Variants in BEND6 observed in about 807,000 individuals in gnomAD.
BEND6 encodes BEN domain containing 6.
BEND6 carries 24 observed loss-of-function variants against 31.8 expected under a neutral mutation model. The observed-to-expected ratio is 0.75, with a 90% confidence interval of 0.55 to 1.06. The LOEUF is 1.06. Among genes scored for constraint, BEND6 ranks in the 50% least tolerant of loss-of-function variants. The pLI, the probability that BEND6 is intolerant of heterozygous loss-of-function variation, is 0.00. For missense variants in BEND6, 294 were observed against 327.4 expected, an observed-to-expected ratio of 0.90 and a Z score of 0.79; for synonymous variants, 109 against 114.6, an observed-to-expected ratio of 0.95 and a Z score of 0.31.
chr6:57,021,723 A>C (rs1827748944), intron 6 of BEND6, among the ~76,000 whole-genome samples: 1 of 152,156 alleles, frequency 6.6e-6, no homozygotes, highest in Admixed American at 6.5e-5. Flanking sequence ...TAAGTGACCA[A>C]ACTGCCTTCT....
intron 1 of BEND6, chr6:56,975,951 C>T (rs1825857316): frequency 3.8e-6 from 2 of 528,698 alleles, no homozygotes; most frequent in Non-Finnish European, 7.7e-6. Context: ...AGCACCAGAG[C>T]ATACACAGTC....
intron 1 of BEND6, among the ~76,000 whole-genome samples, chr6:56,967,807 A>G (rs527965832): frequency 2.6e-5 from 4 of 152,320 alleles, no homozygotes; most frequent in African/African-American, 9.6e-5. Flanking sequence ...TGACTTGATG[A>G]TTAGCTGCTA....
intron 2 of BEND6, among the ~76,000 whole-genome samples, chr6:56,991,101 A>G (rs1054620325): frequency 1.3e-5 from 2 of 152,250 alleles, no homozygotes; most frequent in African/African-American, 4.8e-5. Context: ...CAATAAATTG[A>G]TAATTGAAAA....
Position 57,026,288 on chromosome 6 carries a change from T to G in BEND6, c.*216T>G, listed in dbSNP as rs1392437216. The G allele has an allele frequency of 2.6e-5, 4 of 152,218 alleles. No homozygotes were observed. Among genetic ancestry groups the G allele is most frequent in the Non-Finnish European group, 5.9e-5 (4 of 68,042 alleles). The allele number at this position is 152,218 out of a possible 1,614,324, so 9.4% of individuals were successfully genotyped here. The stretch of plus-strand genomic sequence containing the variant: ...TAGATTCCACCCTCAGTACTAGTGA[T>G]GCATCAAACCAGAGAATTTCTGCCA... On this transcript the variant is annotated 3_prime_UTR_variant, in exon 7 of 7. Coordinates refer to ENST00000370746, the MANE Select transcript of BEND6 (RefSeq NM_152731.3).
At chr6:56,976,188 G>C (rs1394727041) in intron 1 of BEND6, 1 of 178,874 alleles carries the variant, frequency 5.6e-6, no homozygotes, top group African/African-American at 2.4e-5. Flanking sequence ...GATAAAATTA[G>C]TGTTAGTGCT....
chr6:56,998,892 T>C (rs540622346), intron 3 of BEND6, among the ~76,000 whole-genome samples: 2 of 152,314 alleles, frequency 1.3e-5, no homozygotes, highest in African/African-American at 2.4e-5. Context: ...ACTCTGCATC[T>C]GACATGGGGT....
intron 3 of BEND6, chr6:57,004,527 C>T: frequency 1.3e-6 from 1 of 747,712 alleles, no homozygotes; most frequent in East Asian, 2.6e-5. Flanking sequence ...GCCACCGCCA[C>T]CGCCATGACT....
intron 3 of BEND6, among the ~76,000 whole-genome samples, chr6:57,012,162 A>T (rs760814377): frequency 9.2e-5 from 14 of 152,190 alleles, no homozygotes; most frequent in Non-Finnish European, 1.9e-4. Context: ...CAGAGCATGA[A>T]TATATTGGAT....
At chr6:56,996,470 C>CA (rs201812493) in intron 3 of BEND6, among the ~76,000 whole-genome samples, 1,609 of 150,162 alleles carry the variant, frequency 0.011, 28 homozygotes, top group African/African-American at 0.036. Flanking sequence ...AAAACAAAAA[C>CA]AAAAAAAAAC....
At chr6:57,021,816 A>C (rs1033639384) in intron 6 of BEND6, among the ~76,000 whole-genome samples, 1 of 152,166 alleles carries the variant, frequency 6.6e-6, no homozygotes, top group Non-Finnish European at 1.5e-5. Context: ...TAGGTGATCT[A>C]ATACAGTGGT....
chr6:56,975,321 T>C (rs1388575905), intron 1 of BEND6, among the ~76,000 whole-genome samples: 2 of 152,238 alleles, frequency 1.3e-5, no homozygotes, highest in Non-Finnish European at 1.5e-5. Context: ...ATGGAGTATA[T>C]TTTCTTTAAA....
intron 3 of BEND6, chr6:57,014,584 T>A: frequency 1.6e-6 from 2 of 1,241,988 alleles, no homozygotes; most frequent in Non-Finnish European, 2.2e-6. Flanking sequence ...CCAAAATTCA[T>A]CTTTAATATA....
Position 56,971,778 on chromosome 6 carries a change from A to G in BEND6, c.-100-9933A>G, listed in dbSNP as rs1825697748. On this transcript the variant is annotated intron_variant, in intron 1 of 6. Coordinates refer to ENST00000370746, the MANE Select transcript of BEND6 (RefSeq NM_152731.3). The stretch of plus-strand genomic sequence containing the variant: ...GGCCATTTGTATATCTTCTATGGAA[A>G]AAGTCTATTCAAGTCCTTTACTCAT... Among the ~76,000 whole-genome samples the G allele has an allele frequency of 3.9e-5, 6 of 152,164 alleles. 1 individual carries two copies. The highest frequency in any genetic ancestry group is 3.3e-4 in the Admixed American group (5 of 15,270).
intron 6 of BEND6, among the ~76,000 whole-genome samples, chr6:57,025,091 A>G (rs1827861787): frequency 6.6e-6 from 1 of 152,180 alleles, no homozygotes; most frequent in Non-Finnish European, 1.5e-5. Flanking sequence ...TTTGTTAAAT[A>G]TCTCTGATAA....
intron 1 of BEND6, among the ~76,000 whole-genome samples, chr6:56,960,219 A>G (rs1193679066): frequency 1.3e-5 from 2 of 152,210 alleles, no homozygotes; most frequent in Non-Finnish European, 2.9e-5. Context: ...AACTGTTCAT[A>G]AATCAAATTA....
At chr6:57,025,642 G>T (rs1304727328) in intron 6 of BEND6, among the ~76,000 whole-genome samples, 1 of 152,228 alleles carries the variant, frequency 6.6e-6, no homozygotes, top group East Asian at 1.9e-4. Context: ...TGATGAGGAA[G>T]CTCACTGTCC....
intron 1 of BEND6, among the ~76,000 whole-genome samples, chr6:56,973,489 C>T (rs1825763608): frequency 6.6e-6 from 1 of 152,016 alleles, no homozygotes. Flanking sequence ...TAATTAGGCA[C>T]AGTAAAACAT....
At chr6:56,957,159 T>A (rs1019096690) in intron 1 of BEND6, among the ~76,000 whole-genome samples, 1 of 152,216 alleles carries the variant, frequency 6.6e-6, no homozygotes, top group African/African-American at 2.4e-5. Context: ...AGCTATGACT[T>A]TAGCACAACT....
chr6:56,979,108 C>T (rs1825983394), intron 1 of BEND6, among the ~76,000 whole-genome samples: 1 of 152,148 alleles, frequency 6.6e-6, no homozygotes, highest in South Asian at 2.1e-4. Context: ...CCTTTCAGAT[C>T]TCAATGCAAA....
Sources: allele counts gnomAD v4.1 joint callset (sites outside exome capture counted in the v4.1 genomes callset), GRCh38; gene constraint gnomAD v4.1.1; transcripts MANE v1.5; gene names NCBI Gene and HGNC (gene_info 2026-07-23, HGNC 2026-07-21).